FHOD3: variants seen among roughly 807,000 people sequenced by gnomAD.
The protein encoded by FHOD3 is formin homology 2 domain containing 3, also known as FH1/FH2 domain-containing protein 3.
A neutral mutation model predicts 173.0 loss-of-function variants in FHOD3; 90 were observed. The observed-to-expected ratio is 0.52, with a 90% CI of 0.44 to 0.62. The LOEUF (loss-of-function observed/expected upper bound fraction) is 0.62. Among genes scored for constraint, FHOD3 ranks in the 20% least tolerant of loss-of-function variants. FHOD3 has a pLI of 0.00. For synonymous variants in FHOD3, 828 were observed against 823.0 expected (o/e 1.01, Z -0.10); for missense variants, 1,945 against 2,034.7 (o/e 0.96, Z 0.85).
intron 3 of FHOD3, among the ~76,000 whole-genome samples, chr18:36,382,369 G>A (rs1269045064): frequency 1.3e-5 from 2 of 152,130 alleles, no homozygotes; most frequent in African/African-American, 2.4e-5. Flanking sequence ...GCCCAATAAC[G>A]AGAAGCAGAC....
At position 36,755,194 on chromosome 18, in the gene FHOD3, G is replaced by C. The variant is rs1267727739; in HGVS notation, c.4308G>C (p.Arg1436Ser). The change falls in exon 25 of 29, where the codon AGG becomes AGC. Residue 1436 changes from arginine (R) to serine (S), a missense_variant. Physicochemically the swap from Arg to Ser is moderately radical, Grantham distance 110 (BLOSUM62 -1). Around this residue, in one of 5 missense-constraint regions of FHOD3, gnomAD observed 354 missense variants for 359.9 expected, o/e 0.98. Transcript: ENST00000590592. ...AAGTGAACATAAACAAATTCTGCAG[G>C]ATTATTAGTGAATTTGCACTAGAGT... is the stretch of plus-strand genomic sequence containing the variant. ...IREVNINKFC[R>S]IISEFALEYR... 1.2e-6 allele frequency: 2 copies of C among 1,612,240 alleles called. No individual in the cohort carries two copies. Among genetic ancestry groups the C allele is most frequent in the East Asian group, 2.2e-5 (1 of 44,784 alleles).
intron 6 of FHOD3, among the ~76,000 whole-genome samples, chr18:36,577,678 T>C (rs1203972965): frequency 1.3e-5 from 2 of 152,220 alleles, no homozygotes; most frequent in Non-Finnish European, 1.5e-5. Context: ...AATTCCCATT[T>C]GGTAGTTGAG....
chr18:36,705,707 C>G (rs2039837941), intron 17 of FHOD3, among the ~76,000 whole-genome samples: 1 of 152,092 alleles, frequency 6.6e-6, no homozygotes, highest in African/African-American at 2.4e-5. Flanking sequence ...CATTTTCAGG[C>G]CAGAGAAAGG....
At position 36,737,350 on chromosome 18, in the gene FHOD3, A is replaced by G. The variant is rs375789862; in HGVS notation, c.3577-3306A>G. Among the ~76,000 whole-genome samples, 8 of 152,244 alleles carry G rather than the reference A, an allele frequency of 5.3e-5. No homozygotes were observed. In the East Asian group the frequency reaches 1.3e-3, roughly 26 times the overall value. The stretch of plus-strand genomic sequence containing the variant: ...CAGAAACAATGGCAGTGCTAAGGAA[A>G]TTAAAATAGAAATTTTAGAGAAGCA... On this transcript the variant is annotated intron_variant, in intron 20 of 28. Coordinates refer to ENST00000590592, the MANE Select transcript of FHOD3 (RefSeq NM_001281740.3).
intron 18 of FHOD3, among the ~76,000 whole-genome samples, chr18:36,716,908 A>ATGTG (rs1345159982): frequency 4.0e-4 from 54 of 135,344 alleles, no homozygotes; most frequent in Middle Eastern, 3.6e-3. Context: ...GAAATTATAT[A>ATGTG]TGTGTATGTG....
At chr18:36,399,412 G>A (rs1193650045) in intron 3 of FHOD3, among the ~76,000 whole-genome samples, 2 of 152,242 alleles carry the variant, frequency 1.3e-5, no homozygotes, top group African/African-American at 4.8e-5. Context: ...GTTTTCTGAT[G>A]TGGATTAATC....
intron 3 of FHOD3, among the ~76,000 whole-genome samples, chr18:36,445,133 G>T (rs150043982): frequency 6.6e-6 from 1 of 152,338 alleles, no homozygotes; most frequent in Non-Finnish European, 1.5e-5. Flanking sequence ...GGGTGGCTCT[G>T]TTGGAAGGTG....
chr18:36,532,746 A>T, intron 5 of FHOD3, among the ~76,000 whole-genome samples: 1 of 152,226 alleles, frequency 6.6e-6, no homozygotes, highest in East Asian at 1.9e-4. Flanking sequence ...AAGCAGAGAA[A>T]TCACCCTCTA....
chr18:36,386,185 C>A (rs750243819), intron 3 of FHOD3, among the ~76,000 whole-genome samples: 6 of 152,208 alleles, frequency 3.9e-5, no homozygotes, highest in Non-Finnish European at 5.9e-5. Flanking sequence ...CAATACATTT[C>A]TCAGATGACC....
intron 3 of FHOD3, among the ~76,000 whole-genome samples, chr18:36,423,058 C>T (rs1272764595): frequency 2.0e-5 from 3 of 152,046 alleles, no homozygotes; most frequent in African/African-American, 7.2e-5. Flanking sequence ...TGGAGCTCTG[C>T]TTCCTGGAGG....
chr18:36,715,977 T>C (rs945407256), intron 18 of FHOD3, among the ~76,000 whole-genome samples: 5 of 152,186 alleles, frequency 3.3e-5, no homozygotes, highest in Admixed American at 1.3e-4. Flanking sequence ...ACGAGGTTTA[T>C]GGGCATGTGT....
At chr18:36,386,141 T>A (rs2048022486) in intron 3 of FHOD3, among the ~76,000 whole-genome samples, 1 of 152,250 alleles carries the variant, frequency 6.6e-6, no homozygotes. Flanking sequence ...ACAAGAAACA[T>A]GCTAGTGATG....
chr18:36,369,532 G>T (rs1367652198), intron 2 of FHOD3, among the ~76,000 whole-genome samples: 1 of 126,152 alleles, frequency 7.9e-6, no homozygotes, highest in Non-Finnish European at 1.7e-5. Context: ...GAGAGAGCAA[G>T]CAATATGTGA....
intron 3 of FHOD3, among the ~76,000 whole-genome samples, chr18:36,380,764 TAAACTC>T (rs1448758643): frequency 6.6e-6 from 1 of 151,930 alleles, no homozygotes; most frequent in Non-Finnish European, 1.5e-5. Context: ...TAGTTTGAGA[TAAACTC>T]TACAAGAAAG....
chr18:36,443,662 G>A (rs1458319392), intron 3 of FHOD3, among the ~76,000 whole-genome samples: 2 of 152,156 alleles, frequency 1.3e-5, no homozygotes, highest in Non-Finnish European at 2.9e-5. Context: ...CTTGAAGGCT[G>A]GATGTGCTCA....
At chr18:36,645,457 C>T (rs948416233) in intron 10 of FHOD3, among the ~76,000 whole-genome samples, 6 of 152,122 alleles carry the variant, frequency 3.9e-5, no homozygotes, top group Admixed American at 2.6e-4. Context: ...CTTAGATGTG[C>T]TTGTTTGTGG....
chr18:36,712,215 A>C (rs1192702631), intron 18 of FHOD3, among the ~76,000 whole-genome samples: 1 of 152,228 alleles, frequency 6.6e-6, no homozygotes, highest in African/African-American at 2.4e-5. Flanking sequence ...ATAATGGAAA[A>C]ATCACTCATC....
At chr18:36,742,168 T>G (rs1600509000) in intron 21 of FHOD3, among the ~76,000 whole-genome samples, 1 of 149,300 alleles carries the variant, frequency 6.7e-6, no homozygotes, top group African/African-American at 2.5e-5. Context: ...GCAGTGAGGG[T>G]GGGGGAGATG....
intron 3 of FHOD3, among the ~76,000 whole-genome samples, chr18:36,484,167 G>A (rs532622127): frequency 6.6e-6 from 1 of 152,320 alleles, no homozygotes; most frequent in African/African-American, 2.4e-5. Context: ...TCCCAGCTGT[G>A]GATAATTCTT....
Sources: allele counts gnomAD v4.1 joint callset (sites outside exome capture counted in the v4.1 genomes callset), GRCh38; gene constraint gnomAD v4.1.1; regional missense constraint gnomAD v4.1.1; transcripts MANE v1.5; gene names NCBI Gene and HGNC (gene_info 2026-07-23, HGNC 2026-07-21).